The following RBM24 variants were observed in gnomAD, a reference collection of about 807,000 sequenced individuals.
RBM24 encodes RNA-binding protein 24.
A neutral mutation model predicts 23.6 loss-of-function variants in RBM24; 5 were observed. The observed-to-expected ratio is 0.21, with a 90% CI of 0.11 to 0.45. The LOEUF is 0.45. RBM24 is among the 20% of genes least tolerant of loss of function. The pLI is 0.99. For synonymous variants in RBM24, 151 were observed against 129.5 expected, an observed-to-expected ratio of 1.17 and a Z score of -1.13; for missense variants, 252 against 314.6, an observed-to-expected ratio of 0.80 and a Z score of 1.51.
At position 17,290,070 on chromosome 6, in the gene RBM24, T is replaced by G. The variant is rs1310695051; in HGVS notation, c.348-1686T>G. On this transcript the variant is annotated intron_variant, in intron 3 of 3. Coordinates refer to ENST00000379052, the MANE Select transcript of RBM24 (RefSeq NM_001143942.2). Reference sequence around the variant, plus strand: ...CACTGGGAAACATCTACAAGTCTGGTAAAATTGAGTGTATTTTTATCATTG... The same window carrying G: ...CACTGGGAAACATCTACAAGTCTGGGAAAATTGAGTGTATTTTTATCATTG... 7 of 1,289,408 alleles carry G rather than the reference T, an allele frequency of 5.4e-6. No homozygotes were observed. The South Asian group carries it at 8.6e-5, about 16-fold the overall frequency. The allele number at this position is 1,289,408 out of a possible 1,614,324, so 79.9% of individuals were successfully genotyped here.
rs1010921406 is a variant in RBM24, at chr6:17,281,864, C to T, written c.168+115C>T. On this transcript the variant is annotated intron_variant, in intron 1 of 3. Transcript: ENST00000379052. This position sits in a 1 kb window ranked among gnomAD's most constrained non-coding sequence, Gnocchi z 7.1. Reference sequence around the variant, plus strand: ...CCCGTGAGGAGCCCCGCGGGTAGAGCGGCGCTGCCCCTTCGCTCCGGGGTG... The same window carrying T: ...CCCGTGAGGAGCCCCGCGGGTAGAGTGGCGCTGCCCCTTCGCTCCGGGGTG... The T allele has an allele frequency of 4.3e-6, 6 of 1,390,562 alleles. No individual in the cohort carries two copies. Among genetic ancestry groups the T allele is most frequent in the Non-Finnish European group, 5.9e-6 (6 of 1,022,024 alleles). 86.1% of individuals were successfully genotyped at this position (1,390,562 alleles called of 1,614,324 possible). A position where few individuals can be genotyped will look rare whatever the true frequency, so the allele number is the denominator to read the frequency against.
At chr6:17,288,447 T>G in intron 3 of RBM24, 1 of 983,844 alleles carries the variant, frequency 1.0e-6, no homozygotes, top group Non-Finnish European at 1.2e-6. Flanking sequence ...TTGTAGACTC[T>G]CTCCACAGAT....
At chr6:17,289,292 C>T in intron 3 of RBM24, 1 of 985,362 alleles carries the variant, frequency 1.0e-6, no homozygotes, top group Non-Finnish European at 1.2e-6. Flanking sequence ...TCCTTCCTGA[C>T]CCAGGATATT....
chr6:17,283,780 A>G (rs923012883), intron 2 of RBM24, among the ~76,000 whole-genome samples: 1 of 152,214 alleles, frequency 6.6e-6, no homozygotes, highest in Non-Finnish European at 1.5e-5. Flanking sequence ...CAGAAATTGC[A>G]CCTACTCAAG....
rs1316637162 is a variant in RBM24 at position 17,293,154 on chromosome 6, G to A, written c.*1035G>A. 1 of 152,492 alleles carries A rather than the reference G, an allele frequency of 6.6e-6. No homozygotes were observed. The highest frequency in any genetic ancestry group is 1.9e-4 in the East Asian group (1 of 5,196). The allele number at this position is 152,492 out of a possible 1,614,324, so 9.4% of individuals were successfully genotyped here. On this transcript the variant is annotated 3_prime_UTR_variant, in exon 4 of 4. Transcript: ENST00000379052. Reference sequence around the variant, plus strand: ...CAGTACATGAGACAACAAGGTTACTGAGATTACAATTCTTCAAAGGTTAAT... The same window carrying A: ...CAGTACATGAGACAACAAGGTTACTAAGATTACAATTCTTCAAAGGTTAAT...
At chr6:17,291,651 C>T in intron 3 of RBM24, 105 bp from the exon 4 acceptor site, 1 of 1,256,362 alleles carries the variant, frequency 8.0e-7, no homozygotes, top group South Asian at 1.4e-5. Context: ...TTGTGGCAAC[C>T]CTATGCTCAT....
At chr6:17,291,005 C>A in intron 3 of RBM24, 1 of 641,742 alleles carries the variant, frequency 1.6e-6, no homozygotes, top group Non-Finnish European at 2.5e-6. Flanking sequence ...ATGTTAATAG[C>A]ATTTTTGTAG....
chr6:17,289,125 G>A (rs1047262166), intron 3 of RBM24: 14 of 985,346 alleles, frequency 1.4e-5, no homozygotes, highest in Middle Eastern at 5.2e-4. Context: ...GTAACTGCTA[G>A]GCATGCACGT....
Position 17,281,465 on chromosome 6 carries a change from C to G in RBM24, c.-117C>G. On this transcript the variant is annotated 5_prime_UTR_variant, in exon 1 of 4. Coordinates refer to ENST00000379052, the MANE Select transcript of RBM24 (RefSeq NM_001143942.2). This position sits in a 1 kb window ranked among gnomAD's most constrained non-coding sequence, Gnocchi z 7.1. Reference sequence around the variant, plus strand: ...GCCGCCGCCCTCGCCCCCGGGCTCGCCCTTGGCCCCCGGCGGCCGCGAAAG... The same window carrying G: ...GCCGCCGCCCTCGCCCCCGGGCTCGGCCTTGGCCCCCGGCGGCCGCGAAAG... 1.5e-5 allele frequency: 14 copies of G among 918,712 alleles called. No individual in the cohort carries two copies. The highest frequency in any genetic ancestry group is 1.9e-5 in the Non-Finnish European group (14 of 726,934). The allele number at this position is 918,712 out of a possible 1,614,324, so 56.9% of individuals were successfully genotyped here. A position where few individuals can be genotyped will look rare whatever the true frequency, so the allele number is the denominator to read the frequency against.
chr6:17,284,620 A>G (rs1411647506), intron 2 of RBM24, 37 bp from the exon 3 acceptor site: 1 of 1,534,630 alleles, frequency 6.5e-7, no homozygotes, highest in Admixed American at 1.8e-5. Flanking sequence ...ATGCCTAACC[A>G]TGCACAAATA....
intron 1 of RBM24, chr6:17,282,008 T>C: frequency 2.2e-6 from 3 of 1,340,208 alleles, no homozygotes; most frequent in Non-Finnish European, 2.9e-6. Flanking sequence ...GAGAGACCTG[T>C]AATGACGGCG....
At chr6:17,285,323 GTTTTC>G (rs1409650345) in intron 3 of RBM24, among the ~76,000 whole-genome samples, 3 of 152,112 alleles carry the variant, frequency 2.0e-5, no homozygotes, top group African/African-American at 2.4e-5. Context: ...TAGTGAAAGT[GTTTTC>G]TTTTCCTCGG....
At position 17,281,510 on chromosome 6, in the gene RBM24, C is replaced by G. The variant is rs1338488488; in HGVS notation, c.-72C>G. The G allele has an allele frequency of 2.9e-6, 4 of 1,370,192 alleles. No individual in the cohort carries two copies. Among genetic ancestry groups the G allele is most frequent in the Non-Finnish European group, 2.8e-6 (3 of 1,053,646 alleles). The allele number at this position is 1,370,192 out of a possible 1,614,324, so 84.9% of individuals were successfully genotyped here. Reference sequence around the variant, plus strand: ...CGAAAGGGTGCGGGAGACGCGGAGCCGGAGGAGGAGGCGCAGCCGCTGCCC... The same window carrying G: ...CGAAAGGGTGCGGGAGACGCGGAGCGGGAGGAGGAGGCGCAGCCGCTGCCC... On this transcript the variant is annotated 5_prime_UTR_variant, in exon 1 of 4. Transcript: ENST00000379052. The surrounding 1 kb of genome is among the most constrained non-coding windows in gnomAD (Gnocchi z 7.1).
rs1375456976 is a variant in RBM24, at chr6:17,293,730, C to CTT, written c.*1613_*1614dup. 1 of 152,594 alleles carries CTT rather than the reference C, an allele frequency of 6.6e-6. No homozygotes were observed. The highest frequency in any genetic ancestry group is 2.4e-5 in the African/African-American group (1 of 41,440). The allele number at this position is 152,594 out of a possible 1,614,324, so 9.5% of individuals were successfully genotyped here. A position where few individuals can be genotyped will look rare whatever the true frequency, so the allele number is the denominator to read the frequency against. Reference sequence around the variant, plus strand: ...ACTTTCTCCATTATCACTGGATTTACTTTAAGTATTCCCATACTAGACAGT... The same window carrying CTT: ...ACTTTCTCCATTATCACTGGATTTACTTTTTAAGTATTCCCATACTAGACAGT... On this transcript the variant is annotated 3_prime_UTR_variant, in exon 4 of 4. Transcript: ENST00000379052.
At chr6:17,284,619 C>T (rs1469506186) in intron 2 of RBM24, 38 bp from the exon 3 acceptor site, 2 of 1,518,900 alleles carry the variant, frequency 1.3e-6, no homozygotes, top group Non-Finnish European at 1.8e-6. Context: ...AATGCCTAAC[C>T]ATGCACAAAT....
intron 3 of RBM24, chr6:17,288,433 G>A: frequency 1.0e-6 from 1 of 984,414 alleles, no homozygotes; most frequent in Non-Finnish European, 1.2e-6. Flanking sequence ...TACTATATTT[G>A]GCATTGTAGA....
In RBM24 at chr6:17,282,870, C is replaced by T; in HGVS notation, c.234C>T (p.Gly78=). 6.2e-7 allele frequency: 1 copy of T among 1,614,058 alleles called. No individual in the cohort carries two copies. The highest frequency in any genetic ancestry group is 8.5e-7 in the Non-Finnish European group (1 of 1,180,008). The part of the protein sequence containing the change: ...ACKDPNPIID[G]RKANVNLAYL... ...AGGATCCCAATCCCATCATTGATGGCAGAAAGGCCAACGTGAACCTGGCAT... is the reference window on the plus strand; with the variant it reads ...AGGATCCCAATCCCATCATTGATGGTAGAAAGGCCAACGTGAACCTGGCAT... Residue 78 remains glycine, a synonymous_variant, in exon 2 of 4, where the codon GGC becomes GGT. Transcript: ENST00000379052.
At chr6:17,282,756 G>C (rs372674694) in intron 1 of RBM24, 49 bp from the exon 2 acceptor site, 2 of 1,604,292 alleles carry the variant, frequency 1.2e-6, no homozygotes, top group Non-Finnish European at 1.7e-6. Context: ...TTCCTTCATG[G>C]GTTAATTTAG....
Position 17,292,248 on chromosome 6 carries a change from CAG to C in RBM24, c.*132_*133del, listed in dbSNP as rs1561738885. ...AAAAAACAGCCATGCTATTGTGAAG[CAG>C]AGTTATTATTTTTTTTATACTCCAG... On this transcript the variant is annotated 3_prime_UTR_variant, in exon 4 of 4. Transcript: ENST00000379052. 2.2e-6 allele frequency: 2 copies of C among 910,518 alleles called. No homozygotes were observed. The highest frequency in any genetic ancestry group is 1.7e-5 in the African/African-American group (1 of 60,162). 56.4% of individuals were successfully genotyped at this position (910,518 alleles called of 1,614,324 possible).
Sources: allele counts gnomAD v4.1 joint callset (sites outside exome capture counted in the v4.1 genomes callset), GRCh38; gene constraint gnomAD v4.1.1; non-coding constraint Gnocchi (gnomAD v3.1); transcripts MANE v1.5; gene names NCBI Gene and HGNC (gene_info 2026-07-23, HGNC 2026-07-21).